The following UGGT2 variants were observed in gnomAD, a reference collection of about 807,000 sequenced individuals.
UGGT2 encodes UDP-glucose glycoprotein glucosyltransferase 2.
UGGT2 carries 180 observed loss-of-function variants against 192.1 expected under a neutral mutation model. The observed-to-expected ratio is 0.94, with a 90% confidence interval of 0.83 to 1.06. The LOEUF (loss-of-function observed/expected upper bound fraction) is 1.06, where lower values mean the gene tolerates loss of function less well. UGGT2 is among the 50% of genes least tolerant of loss of function. The pLI is 0.00. For missense variants in UGGT2, 1,849 were observed against 1,795.7 expected, an observed-to-expected ratio of 1.03 and a Z score of -0.54; for synonymous variants, 580 against 591.0, an observed-to-expected ratio of 0.98 and a Z score of 0.27.
chr13:96,019,060 C>T (rs1429913564), intron 4 of UGGT2, among the ~76,000 whole-genome samples: 2 of 129,422 alleles, frequency 1.5e-5, no homozygotes, highest in Admixed American at 9.6e-5. Context: ...ATCACAAACC[C>T]AAGAGTATAT....
chr13:95,936,428 T>C (rs2049464512), intron 17 of UGGT2, among the ~76,000 whole-genome samples: 1 of 152,186 alleles, frequency 6.6e-6, no homozygotes, highest in Non-Finnish European at 1.5e-5. Context: ...TCTCAGGCAA[T>C]GGGCTGATCT....
chr13:95,956,430 A>T (rs1325857737), intron 12 of UGGT2, among the ~76,000 whole-genome samples: 1 of 152,236 alleles, frequency 6.6e-6, no homozygotes, highest in Non-Finnish European at 1.5e-5. Flanking sequence ...TAAGGAATTA[A>T]TATCCAGAAT....
Position 95,902,566 on chromosome 13 carries a change from C to T in UGGT2, c.2502+288G>A, listed in dbSNP as rs564861796. Reference sequence around the variant, plus strand: ...CCTTCAGTGAAATACCTGAGATTTACGTAACGCTTTAACCCCCAATTCTTC... The same window carrying T: ...CCTTCAGTGAAATACCTGAGATTTATGTAACGCTTTAACCCCCAATTCTTC... On this transcript the variant is annotated intron_variant, in intron 21 of 38. Transcript: ENST00000376747. Among the ~76,000 whole-genome samples, 6 of 151,486 alleles carry T rather than the reference C, an allele frequency of 4.0e-5. No homozygotes were observed. The South Asian group carries it at 1.3e-3, about 32-fold the overall frequency.
chr13:95,921,028 A>T (rs929990789), intron 20 of UGGT2, among the ~76,000 whole-genome samples: 3 of 152,196 alleles, frequency 2.0e-5, no homozygotes, highest in Admixed American at 2.0e-4. Context: ...ATGGAATGAA[A>T]TCACATCCTT....
At chr13:95,859,958 C>A (rs1039863992) in intron 32 of UGGT2, 6 of 205,686 alleles carry the variant, frequency 2.9e-5, no homozygotes, top group African/African-American at 1.4e-4. Flanking sequence ...ACATATACAT[C>A]ATGGTAGCTT....
At chr13:95,869,024 A>AT (rs1393531447) in intron 29 of UGGT2, among the ~76,000 whole-genome samples, 1 of 139,492 alleles carries the variant, frequency 7.2e-6, no homozygotes, top group Non-Finnish European at 1.6e-5. Flanking sequence ...TCCTAATGCT[A>AT]TCCCTCCCCC....
chr13:95,974,594 T>A (rs2050878244), intron 10 of UGGT2, among the ~76,000 whole-genome samples: 1 of 152,214 alleles, frequency 6.6e-6, no homozygotes, highest in African/African-American at 2.4e-5. Context: ...CTATCAGAGA[T>A]AAGTAATTAC....
chr13:95,926,188 G>A (rs947391425), intron 19 of UGGT2, among the ~76,000 whole-genome samples: 1 of 152,114 alleles, frequency 6.6e-6, no homozygotes, highest in Non-Finnish European at 1.5e-5. Flanking sequence ...ACAGCAATAT[G>A]TAGCCAGACT....
chr13:96,014,595 T>C (rs1004478707), intron 4 of UGGT2, among the ~76,000 whole-genome samples: 1 of 152,170 alleles, frequency 6.6e-6, no homozygotes, highest in African/African-American at 2.4e-5. Context: ...ATAAAGTAAA[T>C]AGAATCTTAA....
At chr13:95,894,449 C>A in intron 24 of UGGT2, 113 bp downstream of exon 24, 1 of 755,758 alleles carries the variant, frequency 1.3e-6, no homozygotes, top group Non-Finnish European at 2.1e-6. Context: ...TACATTTATT[C>A]CCTAATAAAT....
chr13:95,820,447 C>T (rs995336503), intron 38 of UGGT2, among the ~76,000 whole-genome samples: 11 of 151,784 alleles, frequency 7.2e-5, no homozygotes, highest in African/African-American at 1.9e-4. Flanking sequence ...ACTTTGGTAA[C>T]AATAGAAAAA....
chr13:95,909,733 C>T (rs1286010280), intron 20 of UGGT2, among the ~76,000 whole-genome samples: 1 of 106,740 alleles, frequency 9.4e-6, no homozygotes. Context: ...GCACATGTAC[C>T]CTAAAACTTG....
chr13:95,892,823 A>T (rs2047839181), intron 24 of UGGT2, among the ~76,000 whole-genome samples: 1 of 152,112 alleles, frequency 6.6e-6, no homozygotes, highest in Admixed American at 6.6e-5. Context: ...AAACTGGAAA[A>T]CTTAGAGCCA....
At position 95,832,913 on chromosome 13, in the gene UGGT2, C is replaced by T. The variant is rs768879243; in HGVS notation, c.4528+14G>A. 20 of 1,610,998 alleles carry T rather than the reference C, an allele frequency of 1.2e-5. No homozygotes were observed. Among genetic ancestry groups the T allele is most frequent in the Admixed American group, 1.7e-5 (1 of 59,846 alleles). On this transcript the variant is annotated intron_variant, in intron 38 of 38. Coordinates refer to ENST00000376747, the MANE Select transcript of UGGT2 (RefSeq NM_020121.4). The stretch of plus-strand genomic sequence containing the variant: ...AACGCATGTTTCAGACATCACAACA[C>T]GTTGATGACTTACTTGTATCTTGCT...
At chr13:96,029,313 G>C (rs1405084190) in intron 2 of UGGT2, among the ~76,000 whole-genome samples, 1 of 151,940 alleles carries the variant, frequency 6.6e-6, no homozygotes, top group African/African-American at 2.4e-5. Flanking sequence ...TTGAGTCAGA[G>C]TCTCACTCTG....
At chr13:95,905,667 G>T (rs1049771765) in intron 20 of UGGT2, among the ~76,000 whole-genome samples, 4 of 151,972 alleles carry the variant, frequency 2.6e-5, no homozygotes, top group Non-Finnish European at 5.9e-5. Context: ...TCTCTGTTTT[G>T]GTACCAGTAC....
chr13:95,960,216 C>T (rs1233163047), intron 12 of UGGT2, among the ~76,000 whole-genome samples: 1 of 152,180 alleles, frequency 6.6e-6, no homozygotes, highest in African/African-American at 2.4e-5. Context: ...CAAAGGAACA[C>T]AATAATTCTC....
chr13:95,885,000 A>C (rs1381660048), intron 26 of UGGT2, among the ~76,000 whole-genome samples: 1 of 152,146 alleles, frequency 6.6e-6, no homozygotes. Context: ...ATTTGTATGC[A>C]TCCTCCTTCA....
At chr13:95,951,505 C>T (rs2050061137) in intron 12 of UGGT2, among the ~76,000 whole-genome samples, 1 of 152,232 alleles carries the variant, frequency 6.6e-6, no homozygotes, top group Non-Finnish European at 1.5e-5. Context: ...GCAATCAGAA[C>T]TCCCATTCCC....
Sources: allele counts gnomAD v4.1 joint callset (sites outside exome capture counted in the v4.1 genomes callset), GRCh38; gene constraint gnomAD v4.1.1; transcripts MANE v1.5; gene names NCBI Gene and HGNC (gene_info 2026-07-23, HGNC 2026-07-21).